ACSL3: variants seen among roughly 807,000 people sequenced by gnomAD.
ACSL3 encodes fatty acid CoA ligase Acsl3.
In ACSL3, 34 loss-of-function variants were observed where a neutral mutation model predicts 84.7. The ratio of observed to expected loss-of-function variants is 0.40; its 90% CI spans 0.31 to 0.53. The LOEUF is 0.53. Ranked by LOEUF, ACSL3 falls within the 20% of genes least tolerant of loss-of-function variation. The pLI, the probability that ACSL3 is intolerant of heterozygous loss-of-function variation, is 0.48. For synonymous variants in ACSL3, 315 were observed against 299.4 expected, an observed-to-expected ratio of 1.05 and a Z score of -0.54; for missense variants, 680 against 873.1, an observed-to-expected ratio of 0.78 and a Z score of 2.79.
intron 4 of ACSL3, among the ~76,000 whole-genome samples, 165 bp downstream of exon 4, chr2:222,909,315 C>T (rs1028215444): frequency 6.6e-6 from 1 of 152,192 alleles, no homozygotes; most frequent in African/African-American, 2.4e-5. Context: ...TACTTACCAG[C>T]ACTGATATGT....
intron 1 of ACSL3, among the ~76,000 whole-genome samples, chr2:222,875,572 T>C (rs1438160400): frequency 6.6e-6 from 1 of 152,252 alleles, no homozygotes; most frequent in Non-Finnish European, 1.5e-5. Flanking sequence ...CTTATTGGTA[T>C]TAACTTTCAT....
chr2:222,901,486 A>G (rs1046882560), intron 3 of ACSL3, among the ~76,000 whole-genome samples: 1 of 68,708 alleles, frequency 1.5e-5, no homozygotes, highest in African/African-American at 6.7e-5. Context: ...TAAGACATAT[A>G]AGTCATCCAA....
rs748399678 is a variant in ACSL3, at chr2:222,913,262, CTCTT to C, written c.379-3052_379-3049del. Among the ~76,000 whole-genome samples, 137 of 152,252 alleles carry C rather than the reference CTCTT, an allele frequency of 9.0e-4. 1 individual carries two copies. Among genetic ancestry groups the C allele is most frequent in the Non-Finnish European group, 1.6e-3 (111 of 68,020 alleles). ...TGTAAGTTGACTTAGCTTTCTTTTC[CTCTT>C]TCTTAATGCCGTCTTTTGTGTTATT... is the stretch of plus-strand genomic sequence containing the variant. On this transcript the variant is annotated intron_variant, in intron 4 of 16. Transcript: ENST00000357430.
In ACSL3 at chr2:222,920,630, AAGTT is replaced by A. The variant is rs149969706; in HGVS notation, c.806-643_806-640del. Among the ~76,000 whole-genome samples, 1,012 of 152,268 alleles carry A rather than the reference AAGTT, an allele frequency of 6.6e-3. 11 individuals carry two copies. Among genetic ancestry groups the A allele is most frequent in the African/African-American group, 0.023 (950 of 41,550 alleles). Reference sequence around the variant, plus strand: ...CCCTGATACCTTTTTTCCCCTTGTAAAGTTAGTTAGCCACACAGCAGCCAAAGTG... The same window carrying A: ...CCCTGATACCTTTTTTCCCCTTGTAAAGTTAGCCACACAGCAGCCAAAGTG... On this transcript the variant is annotated intron_variant, in intron 7 of 16. Transcript: ENST00000357430.
chr2:222,893,514 A>G (rs1177988006), intron 2 of ACSL3, among the ~76,000 whole-genome samples: 1 of 152,036 alleles, frequency 6.6e-6, no homozygotes, highest in African/African-American at 2.4e-5. Flanking sequence ...ACCATGTTGT[A>G]TCTCTCTTGC....
At chr2:222,930,214 G>A (rs1696989015) in intron 13 of ACSL3, among the ~76,000 whole-genome samples, 1 of 152,130 alleles carries the variant, frequency 6.6e-6, no homozygotes. Flanking sequence ...ACAGACATGA[G>A]CCACTGGCCC....
intron 2 of ACSL3, among the ~76,000 whole-genome samples, chr2:222,893,640 G>A (rs1226078601): frequency 2.0e-5 from 3 of 152,038 alleles, no homozygotes; most frequent in African/African-American, 4.8e-5. Context: ...AGGAAAACAC[G>A]TCATCTCTGA....
intron 16 of ACSL3, among the ~76,000 whole-genome samples, chr2:222,938,444 A>T (rs1697228563): frequency 6.6e-6 from 1 of 152,126 alleles, no homozygotes; most frequent in Admixed American, 6.6e-5. Context: ...TTCTTGGTTG[A>T]CAATTTTTTT....
chr2:222,864,675 A>G (rs988800929), intron 1 of ACSL3, among the ~76,000 whole-genome samples: 2 of 152,150 alleles, frequency 1.3e-5, no homozygotes, highest in African/African-American at 4.8e-5. Context: ...ACTGTTTCCA[A>G]TAGGTTTGAT....
At chr2:222,940,606 T>A (rs1697277194) in intron 16 of ACSL3, among the ~76,000 whole-genome samples, 1 of 152,196 alleles carries the variant, frequency 6.6e-6, no homozygotes, top group Admixed American at 6.5e-5. Flanking sequence ...TACTGCCTTT[T>A]CTATGTTTAG....
chr2:222,865,513 C>T (rs1210738061), intron 1 of ACSL3, among the ~76,000 whole-genome samples: 3 of 152,184 alleles, frequency 2.0e-5, no homozygotes, highest in Non-Finnish European at 4.4e-5. Context: ...TCTTAAGGAG[C>T]TCACAGTTCA....
In ACSL3 at chr2:222,872,504, A is replaced by G. The variant is rs188815011; in HGVS notation, c.-207+11246A>G. Among the ~76,000 whole-genome samples, 814 of 152,234 alleles carry G rather than the reference A, an allele frequency of 5.3e-3. 8 individuals are homozygous for G. Among genetic ancestry groups the G allele is most frequent in the Middle Eastern group, 0.034 (10 of 294 alleles). On this transcript the variant is annotated intron_variant, in intron 1 of 16. Coordinates refer to ENST00000357430, the MANE Select transcript of ACSL3 (RefSeq NM_004457.5). ...TATTCTTAACATCTGTCATCCATCCATCTGTTTGTCTATCGGTGTGATGGA... is the reference window on the plus strand; with the variant it reads ...TATTCTTAACATCTGTCATCCATCCGTCTGTTTGTCTATCGGTGTGATGGA...
At chr2:222,867,209 T>C (rs1010935966) in intron 1 of ACSL3, among the ~76,000 whole-genome samples, 8 of 152,244 alleles carry the variant, frequency 5.3e-5, no homozygotes, top group African/African-American at 7.2e-5. Flanking sequence ...GGAATTGTTA[T>C]TGACTTTTTA....
rs148527353 is a variant in ACSL3 at position 222,904,010 on chromosome 2, C to T, written c.-41+3230C>T. Among the ~76,000 whole-genome samples the T allele has an allele frequency of 3.2e-3, 486 of 152,224 alleles. 2 individuals carry two copies. The highest frequency in any genetic ancestry group is 0.011 in the African/African-American group (450 of 41,538). On this transcript the variant is annotated intron_variant, in intron 3 of 16. Coordinates refer to ENST00000357430, the MANE Select transcript of ACSL3 (RefSeq NM_004457.5). ...TTATGGTCGGCTGGGCGCGGTGGCT[C>T]ACGCCTGTAATCCCAGTACTTTGGG...
chr2:222,883,012 C>T (rs999924219), intron 1 of ACSL3, among the ~76,000 whole-genome samples: 3 of 151,818 alleles, frequency 2.0e-5, no homozygotes, highest in Non-Finnish European at 4.4e-5. Context: ...TTGTGATCTG[C>T]CTGCCTTGGC....
intron 3 of ACSL3, among the ~76,000 whole-genome samples, chr2:222,901,498 T>TTAG (rs1053773517): frequency 5.4e-3 from 136 of 25,088 alleles, no homozygotes; most frequent in African/African-American, 0.038. Flanking sequence ...GTCATCCAAG[T>TTAG]TTGTTCTTTT....
chr2:222,879,974 A>T (rs1695550144), intron 1 of ACSL3, among the ~76,000 whole-genome samples: 1 of 150,320 alleles, frequency 6.7e-6, no homozygotes, highest in Non-Finnish European at 1.5e-5. Flanking sequence ...TGCTTCAGGG[A>T]TCTGCTTCTC....
intron 8 of ACSL3, among the ~76,000 whole-genome samples, chr2:222,922,172 CT>C: frequency 6.6e-6 from 1 of 152,276 alleles, no homozygotes. Flanking sequence ...TATACAAATA[CT>C]TACACATTTT....
At chr2:222,938,915 A>T (rs1392872827) in intron 16 of ACSL3, among the ~76,000 whole-genome samples, 1 of 151,988 alleles carries the variant, frequency 6.6e-6, no homozygotes, top group Non-Finnish European at 1.5e-5. Context: ...TGAATTTTTC[A>T]ATCCATTTAT....
Sources: gnomAD v4.1 joint callset for allele counts (sites outside exome capture counted in the v4.1 genomes callset) on GRCh38, gnomAD v4.1.1 for gene constraint, MANE v1.5 for transcripts, NCBI Gene and HGNC (gene_info 2026-07-23, HGNC 2026-07-21) for gene names.